The following M1AP variants were observed in gnomAD, a reference collection of about 807,000 sequenced individuals.
M1AP encodes the protein meiosis 1 associated protein.
A neutral mutation model predicts 51.2 loss-of-function variants in M1AP; 39 were observed. The observed-to-expected ratio is 0.76, with a 90% CI of 0.59 to 1.00. The LOEUF is 1.00. M1AP is among the 50% of genes least tolerant of loss of function. M1AP has a pLI of 0.00. For missense variants in M1AP, 545 were observed against 641.2 expected (o/e 0.85, Z 1.62); for synonymous variants, 251 against 249.2 (o/e 1.01, Z -0.07).
chr2:74,588,035 A>T (rs1679817251), intron 4 of M1AP, among the ~76,000 whole-genome samples: 1 of 152,208 alleles, frequency 6.6e-6, no homozygotes, highest in Non-Finnish European at 1.5e-5. Context: ...CTCTCTTCAC[A>T]TAAAATATAG....
intron 4 of M1AP, among the ~76,000 whole-genome samples, chr2:74,606,055 C>CG (rs1316146302): frequency 6.6e-6 from 1 of 152,086 alleles, no homozygotes; most frequent in African/African-American, 2.4e-5. Context: ...TCTGCCCAGC[C>CG]GGGGGAACAG....
In M1AP at chr2:74,576,911, A is replaced by C. The variant is rs551641783; in HGVS notation, c.770-293T>G. 1.5e-3 allele frequency: 1,684 copies of C among 1,131,706 alleles called. 6 individuals are homozygous for C. The highest frequency in any genetic ancestry group is 1.8e-3 in the Non-Finnish European group (1,603 of 913,192). The allele number at this position is 1,131,706 out of a possible 1,614,324, so 70.1% of individuals were successfully genotyped here. On this transcript the variant is annotated intron_variant, in intron 5 of 10. Transcript: ENST00000421985. ...TGTTTTACTTCTGGGCTGGCTGAGC[A>C]GTTGTCTCATAGTGAGACATCTGGC...
intron 4 of M1AP, among the ~76,000 whole-genome samples, chr2:74,587,365 A>AT (rs1679775127): frequency 6.6e-6 from 1 of 151,684 alleles, no homozygotes; most frequent in Non-Finnish European, 1.5e-5. Flanking sequence ...TGCTTTGCTA[A>AT]TTTTTTGTAT....
chr2:74,568,702 T>C (rs1678539953), intron 7 of M1AP, among the ~76,000 whole-genome samples: 1 of 152,086 alleles, frequency 6.6e-6, no homozygotes, highest in Admixed American at 6.6e-5. Flanking sequence ...TTCCAAAAAG[T>C]AGAATGTTTT....
chr2:74,590,503 CA>C, intron 4 of M1AP, among the ~76,000 whole-genome samples: 1 of 152,262 alleles, frequency 6.6e-6, no homozygotes, highest in East Asian at 1.9e-4. Flanking sequence ...AGATAGGTCC[CA>C]AATACTACAA....
At chr2:74,578,949 G>GTGGT (rs10691696) in intron 5 of M1AP, among the ~76,000 whole-genome samples, 14,755 of 152,010 alleles carry the variant, frequency 0.097, 2,082 homozygotes, top group African/African-American at 0.31. Context: ...AATCTTTATT[G>GTGGT]TGTTTAAAAT....
chr2:74,612,138 G>A (rs1033384229), intron 3 of M1AP, among the ~76,000 whole-genome samples: 16 of 151,716 alleles, frequency 1.1e-4, no homozygotes, highest in Admixed American at 2.6e-4. Context: ...TGATCTACCC[G>A]CCTGGGCCTC....
At position 74,640,195 on chromosome 2, in the gene M1AP, C is replaced by G. The variant is rs377538420; in HGVS notation, c.81G>C (p.Val27=). ...CAGCCCAGGACGGTAGAGCAATGTG[C>G]ACAATGAGAAGCCGTGGAGGTTGCT... ...IDQQPPRLLI[V]HIALPSWADI... is the part of the protein sequence containing the mutation. The change falls in exon 2 of 11, where the codon GTG becomes GTC. Residue 27 remains valine, a synonymous_variant. Coordinates refer to ENST00000421985, the MANE Select transcript of M1AP (RefSeq NM_001321739.2). 1.2e-6 allele frequency: 2 copies of G among 1,614,012 alleles called. No individual in the cohort carries two copies. Among genetic ancestry groups the G allele is most frequent in the African/African-American group, 2.7e-5 (2 of 74,908 alleles).
At chr2:74,641,109 C>A (rs932204938) in intron 1 of M1AP, among the ~76,000 whole-genome samples, 3 of 152,136 alleles carry the variant, frequency 2.0e-5, no homozygotes, top group Non-Finnish European at 4.4e-5. Context: ...GGTTAAAATT[C>A]TTTGGTTGTC....
intron 2 of M1AP, among the ~76,000 whole-genome samples, chr2:74,626,919 T>A (rs957927396): frequency 4.6e-5 from 7 of 152,244 alleles, no homozygotes; most frequent in African/African-American, 7.2e-5. Context: ...CTGTTTAATA[T>A]CTGATAGGAA....
chr2:74,610,788 C>A (rs1681289021), intron 3 of M1AP, among the ~76,000 whole-genome samples: 1 of 152,210 alleles, frequency 6.6e-6, no homozygotes, highest in South Asian at 2.1e-4. Flanking sequence ...AACTTTTCCT[C>A]ATTCAGTATG....
At chr2:74,579,613 C>T (rs955069366) in intron 5 of M1AP, among the ~76,000 whole-genome samples, 2 of 152,042 alleles carry the variant, frequency 1.3e-5, no homozygotes, top group Non-Finnish European at 2.9e-5. Flanking sequence ...GATTCTAAGA[C>T]ACATTTTTTT....
At chr2:74,622,957 GA>G (rs57227340) in intron 2 of M1AP, among the ~76,000 whole-genome samples, 76 of 129,158 alleles carry the variant, frequency 5.9e-4, no homozygotes, top group East Asian at 1.8e-3. Flanking sequence ...AAATAGAGTG[GA>G]AAAAAAAAAA....
intron 4 of M1AP, among the ~76,000 whole-genome samples, chr2:74,588,007 T>C (rs1445948622): frequency 6.6e-6 from 1 of 152,216 alleles, no homozygotes; most frequent in Non-Finnish European, 1.5e-5. Flanking sequence ...CATACGTGCA[T>C]ATACAATGTC....
At chr2:74,613,200 C>T (rs921540253) in intron 3 of M1AP, among the ~76,000 whole-genome samples, 1 of 152,142 alleles carries the variant, frequency 6.6e-6, no homozygotes, top group African/African-American at 2.4e-5. Context: ...TCTGCTTTAT[C>T]CATTAGAGCC....
intron 4 of M1AP, among the ~76,000 whole-genome samples, chr2:74,585,191 G>A (rs1490548629): frequency 6.6e-6 from 1 of 152,146 alleles, no homozygotes; most frequent in African/African-American, 2.4e-5. Flanking sequence ...AGGGGAGAGG[G>A]TTGGCCAGAA....
At chr2:74,642,357 G>A (rs1452875327) in intron 1 of M1AP, among the ~76,000 whole-genome samples, 4 of 151,808 alleles carry the variant, frequency 2.6e-5, no homozygotes, top group East Asian at 1.9e-4. Context: ...CACGTAATTC[G>A]TCACATTAAA....
At chr2:74,642,077 G>A (rs1020623710) in intron 1 of M1AP, among the ~76,000 whole-genome samples, 4 of 151,926 alleles carry the variant, frequency 2.6e-5, no homozygotes, top group Non-Finnish European at 5.9e-5. Context: ...ACTTCTGCCC[G>A]CCTCGGCCTC....
chr2:74,626,277 T>TTTTTA (rs1682387636), intron 2 of M1AP, among the ~76,000 whole-genome samples: 1 of 150,116 alleles, frequency 6.7e-6, no homozygotes, highest in African/African-American at 2.5e-5. Flanking sequence ...TTTTTTTTTT[T>TTTTTA]GAGATAGGAT....
Sources: gnomAD v4.1 joint callset for allele counts (sites outside exome capture counted in the v4.1 genomes callset) on GRCh38, gnomAD v4.1.1 for gene constraint, MANE v1.5 for transcripts, NCBI Gene and HGNC (gene_info 2026-07-23, HGNC 2026-07-21) for gene names.